Variants in ZNF558 observed in about 807,000 individuals in gnomAD.
ZNF558 encodes zinc finger protein 558.
A neutral mutation model predicts 37.6 loss-of-function variants in ZNF558; 23 were observed. That is an observed-to-expected ratio of 0.61 (90% CI 0.44 to 0.87). The LOEUF (loss-of-function observed/expected upper bound fraction) is 0.87. ZNF558 is among the 40% of genes least tolerant of loss of function. The pLI, the probability that ZNF558 is intolerant of heterozygous loss-of-function variation, is 0.00. For missense variants in ZNF558, 429 were observed against 483.7 expected, an observed-to-expected ratio of 0.89 and a Z score of 1.06; for synonymous variants, 189 against 174.4, an observed-to-expected ratio of 1.08 and a Z score of -0.66.
At chr19:8,835,373 G>T (rs375059787), upstream of ZNF558, among the ~76,000 whole-genome samples, 22 of 152,138 alleles carry the variant, frequency 1.4e-4, no homozygotes, top group African/African-American at 5.1e-4. Context: ...CAAAGAGTTC[G>T]AATCGTCATT....
Position 8,822,928 on chromosome 19 carries a change from C to T in ZNF558, c.-65-204G>A. ...CTTCCTCTGTCCCCAACACAACGACCAGTACCTCCCTGACCCACCCGCTTT... is the reference window on the plus strand; with the variant it reads ...CTTCCTCTGTCCCCAACACAACGACTAGTACCTCCCTGACCCACCCGCTTT... On this transcript the variant is annotated intron_variant, in intron 4 of 9. Coordinates refer to ENST00000601372, the MANE Select transcript of ZNF558 (RefSeq NM_144693.3). This position sits in a 1 kb window ranked among gnomAD's most constrained non-coding sequence, Gnocchi z 4.4. 1 of 539,502 alleles carries T rather than the reference C, an allele frequency of 1.9e-6. No individual in the cohort carries two copies. Among genetic ancestry groups the T allele is most frequent in the Non-Finnish European group, 3.4e-6 (1 of 298,328 alleles). 33.4% of individuals were successfully genotyped at this position (539,502 alleles called of 1,614,324 possible).
In ZNF558 at chr19:8,809,997, T is replaced by G. The variant is rs2043745718; in HGVS notation, c.*1284A>C. The stretch of plus-strand genomic sequence containing the variant: ...AGAAAGAGAAGAATCACTGAAAAAT[T>G]TTCCAATATTAATATACTCATAGGT... On this transcript the variant is annotated 3_prime_UTR_variant, in exon 10 of 10. Transcript: ENST00000601372. 1 of 152,050 alleles carries G rather than the reference T, an allele frequency of 6.6e-6. No homozygotes were observed. Among genetic ancestry groups the G allele is most frequent in the Non-Finnish European group, 1.5e-5 (1 of 68,004 alleles). 9.4% of individuals were successfully genotyped at this position (152,050 alleles called of 1,614,324 possible).
At chr19:8,816,825 CATAA>C (rs2043951487) in intron 7 of ZNF558, among the ~76,000 whole-genome samples, 1 of 152,214 alleles carries the variant, frequency 6.6e-6, no homozygotes, top group South Asian at 2.1e-4. Context: ...AAGACAAAAG[CATAA>C]ATGATTACAC....
intron 4 of ZNF558, among the ~76,000 whole-genome samples, chr19:8,823,289 CCTT>C (rs367883073): frequency 4.8e-5 from 7 of 146,206 alleles, no homozygotes; most frequent in African/African-American, 1.7e-4. Context: ...GGCGTTCACT[CCTT>C]TTTTCTCTCA....
intron 7 of ZNF558, among the ~76,000 whole-genome samples, chr19:8,816,347 A>G (rs1054873278): frequency 6.6e-6 from 1 of 152,180 alleles, no homozygotes; most frequent in Non-Finnish European, 1.5e-5. Context: ...ATAGGCGTGA[A>G]CCATTGCAGC....
rs192296216 is a variant in ZNF558 at position 8,818,973 on chromosome 19, A to G, written c.247+2207T>C. On this transcript the variant is annotated intron_variant, in intron 7 of 9. Transcript: ENST00000601372. ...GACAACTGGATATACACACATGCAAAAGAATGAAGTTGACCCTTTCTCCAC... is the reference window on the plus strand; with the variant it reads ...GACAACTGGATATACACACATGCAAGAGAATGAAGTTGACCCTTTCTCCAC... 3.9e-5 allele frequency among the ~76,000 whole-genome samples: 6 copies of G among 152,352 alleles called. 1 individual carries two copies. Among genetic ancestry groups the G allele is most frequent in the South Asian group, 4.1e-4 (2 of 4,830 alleles).
chr19:8,815,296 A>C (rs1555769909), intron 7 of ZNF558, among the ~76,000 whole-genome samples: 1 of 152,176 alleles, frequency 6.6e-6, no homozygotes, highest in African/African-American at 2.4e-5. Flanking sequence ...AATAGGTACA[A>C]CTATGGCATA....
At position 8,811,761 on chromosome 19, in the gene ZNF558, G is replaced by T. The variant is rs150433404; in HGVS notation, c.729C>A (p.His243Gln). The T allele has an allele frequency of 1.9e-6, 3 of 1,613,806 alleles. No homozygotes were observed. The South Asian group carries it at 3.3e-5, about 18-fold the overall frequency. Residue 243 changes from histidine (H) to glutamine (Q), a missense_variant, in exon 10 of 10, where the codon CAC (histidine) becomes CAA (glutamine). Transcript: ENST00000601372. ...EKPYECNQCF[H>Q]VFRTSCNLKS... ...TGAGGTTACAACTGGTGCGGAAAAC[G>T]TGAAAACACTGGTTACATTCATAGG...
At chr19:8,836,394 C>T (rs931337468), upstream of ZNF558, among the ~76,000 whole-genome samples, 1 of 151,672 alleles carries the variant, frequency 6.6e-6, no homozygotes, top group Non-Finnish European at 1.5e-5. Context: ...CCCCTTCCTC[C>T]TCCTCCTTGT....
At position 8,806,872 on chromosome 19, in the gene ZNF558, G is replaced by C. The variant is rs2043708242; in HGVS notation, c.*4409C>G. On this transcript the variant is annotated 3_prime_UTR_variant, in exon 10 of 10. Transcript: ENST00000601372. ...TCTTCTTGCTTCCATAGTTTCTTTT[G>C]AAAAGTCATCATTAGTCTTACTGAT... 1 of 151,992 alleles carries C rather than the reference G, an allele frequency of 6.6e-6. No individual in the cohort carries two copies. The allele number at this position is 151,992 out of a possible 1,614,324, so 9.4% of individuals were successfully genotyped here.
In ZNF558 at chr19:8,815,768, AGAGT is replaced by A. The variant is rs547563706; in HGVS notation, c.248-2550_248-2547del. 1.8e-3 allele frequency among the ~76,000 whole-genome samples: 274 copies of A among 152,144 alleles called. 2 individuals are homozygous for A. The highest frequency in any genetic ancestry group is 6.0e-3 in the African/African-American group (248 of 41,474). ...TCTGCTGCACTCCGGCCTAGGTGAC[AGAGT>A]GAGTGAGAACCTGTCTCAAAGATAA... On this transcript the variant is annotated intron_variant, in intron 7 of 9. Transcript: ENST00000601372.
At chr19:8,821,404 T>A in intron 6 of ZNF558, 98 bp from the exon 7 acceptor site, 1 of 1,610,446 alleles carries the variant, frequency 6.2e-7, no homozygotes, top group South Asian at 1.1e-5. Context: ...TGGGGAAACC[T>A]GAGCACGAGA....
At chr19:8,832,560 C>G (rs1206091025), upstream of ZNF558, 1 of 152,220 alleles carries the variant, frequency 6.6e-6, no homozygotes, top group South Asian at 2.0e-4. Flanking sequence ...GGCTGTGAGC[C>G]GCACGAGGCC....
chr19:8,817,867 T>C (rs2043978790), intron 7 of ZNF558, among the ~76,000 whole-genome samples: 2 of 152,210 alleles, frequency 1.3e-5, no homozygotes, highest in South Asian at 2.1e-4. Context: ...AAGGAAGATA[T>C]AGAGTGTTCT....
upstream of ZNF558, chr19:8,832,350 C>G (rs1244971428): frequency 2.0e-5 from 3 of 152,492 alleles, no homozygotes; most frequent in African/African-American, 2.4e-5. Context: ...CGCTGCACGT[C>G]CCCTTCCGGC....
chr19:8,832,621 G>A (rs2044390366), upstream of ZNF558: 1 of 152,486 alleles, frequency 6.6e-6, no homozygotes, highest in Non-Finnish European at 1.5e-5. Flanking sequence ...CGGGGCTGAA[G>A]GCGGGGAACC....
chr19:8,812,035 T>C lies in ZNF558; in HGVS notation c.455A>G (p.Asn152Ser), dbSNP rs782374626. ...GACTTTAAAACACTGATTACATTCA[T>C]TGAGTTTCACTCCACGATGACTTCT... is the stretch of plus-strand genomic sequence containing the variant. ...TERSHRGVKLNECNQCFKVFS... is the reference protein window; with the variant it reads ...TERSHRGVKLSECNQCFKVFS... The change falls in exon 10 of 10, where the codon AAT becomes AGT. Residue 152 changes from asparagine to serine, a missense_variant. Coordinates refer to ENST00000601372, the MANE Select transcript of ZNF558 (RefSeq NM_144693.3). 1.2e-6 allele frequency: 2 copies of C among 1,600,380 alleles called. No homozygotes were observed. The highest frequency in any genetic ancestry group is 2.7e-5 in the African/African-American group (2 of 74,468).
intron 2 of ZNF558, among the ~76,000 whole-genome samples, chr19:8,826,757 C>T (rs1023961605): frequency 2.6e-5 from 4 of 152,182 alleles, no homozygotes; most frequent in African/African-American, 9.7e-5. Context: ...TGACCTCCAG[C>T]AAGGCAAGAG....
At chr19:8,819,297 C>T (rs1001851192) in intron 7 of ZNF558, among the ~76,000 whole-genome samples, 8 of 152,198 alleles carry the variant, frequency 5.3e-5, no homozygotes, top group Non-Finnish European at 1.0e-4. Flanking sequence ...TCTCTTGCCT[C>T]AGCCTCCCGA....
Sources: allele counts gnomAD v4.1 joint callset (sites outside exome capture counted in the v4.1 genomes callset), GRCh38; gene constraint gnomAD v4.1.1; non-coding constraint Gnocchi (gnomAD v3.1); transcripts MANE v1.5; gene names NCBI Gene and HGNC (gene_info 2026-07-23, HGNC 2026-07-21).